SDK1: variants seen among roughly 807,000 people sequenced by gnomAD.
SDK1 encodes sidekick cell adhesion molecule 1, also known as protein sidekick-1.
In SDK1, 157 loss-of-function variants were observed where a neutral mutation model predicts 245.5. That is an observed-to-expected ratio of 0.64 (90% CI 0.56 to 0.73). SDK1 has a LOEUF of 0.73. Ranked by LOEUF, SDK1 falls within the 30% of genes least tolerant of loss-of-function variation. SDK1 has a pLI of 0.00. For synonymous variants in SDK1, 1,647 were observed against 1,278.5 expected (o/e 1.29, Z -6.15); for missense variants, 3,583 against 3,002.3 (o/e 1.19, Z -4.52).
chr7:4,105,293 T>G (rs115222409), intron 22 of SDK1, among the ~76,000 whole-genome samples: 43 of 140,930 alleles, frequency 3.1e-4, no homozygotes, highest in African/African-American at 1.1e-3. Context: ...AGGAGTTATA[T>G]TTTTTGTTTT....
intron 5 of SDK1, among the ~76,000 whole-genome samples, chr7:3,852,215 T>G (rs867662178): frequency 1.3e-5 from 2 of 152,018 alleles, no homozygotes; most frequent in Non-Finnish European, 2.9e-5. Flanking sequence ...TTAAATCATT[T>G]TGAAATTTTG....
chr7:3,372,865 C>T (rs577914405), intron 1 of SDK1, among the ~76,000 whole-genome samples: 1 of 152,280 alleles, frequency 6.6e-6, no homozygotes, highest in African/African-American at 2.4e-5. Flanking sequence ...TAAATTCTCA[C>T]ATTGTAGAAA....
chr7:4,160,982 C>T (rs1241445344), intron 31 of SDK1, among the ~76,000 whole-genome samples: 2 of 152,164 alleles, frequency 1.3e-5, no homozygotes, highest in African/African-American at 2.4e-5. Flanking sequence ...GGAAGAACAT[C>T]GTCATTCCGT....
At chr7:3,656,043 G>A (rs931460158) in intron 4 of SDK1, among the ~76,000 whole-genome samples, 3 of 152,168 alleles carry the variant, frequency 2.0e-5, no homozygotes, top group African/African-American at 4.8e-5. Flanking sequence ...CTCTGCTCAC[G>A]GTGTTCTCCA....
At chr7:4,260,097 T>C (rs1201712862) in intron 44 of SDK1, among the ~76,000 whole-genome samples, 2 of 152,070 alleles carry the variant, frequency 1.3e-5, no homozygotes, top group Non-Finnish European at 2.9e-5. Context: ...GGTCTCTGTG[T>C]GTGTGGGAAG....
intron 25 of SDK1, among the ~76,000 whole-genome samples, chr7:4,116,622 T>C (rs1330976878): frequency 6.6e-6 from 1 of 152,224 alleles, no homozygotes; most frequent in African/African-American, 2.4e-5. Context: ...TGGTTAACTT[T>C]CAGCCACCAG....
intron 1 of SDK1, among the ~76,000 whole-genome samples, chr7:3,501,335 C>A (rs1782206214): frequency 6.6e-6 from 1 of 151,624 alleles, no homozygotes; most frequent in African/African-American, 2.4e-5. Flanking sequence ...TTTTCTCCAA[C>A]TTGCTCTTTC....
intron 1 of SDK1, among the ~76,000 whole-genome samples, chr7:3,508,979 C>T (rs1345283498): frequency 6.6e-6 from 1 of 152,068 alleles, no homozygotes; most frequent in Non-Finnish European, 1.5e-5. Context: ...ATAGAATGTT[C>T]TAGTAATATC....
At chr7:3,585,871 G>C (rs915277363) in intron 1 of SDK1, among the ~76,000 whole-genome samples, 5 of 152,180 alleles carry the variant, frequency 3.3e-5, no homozygotes, top group African/African-American at 1.2e-4. Flanking sequence ...TTTCCAAGAA[G>C]GGAGGGAAAG....
At position 3,376,594 on chromosome 7, in the gene SDK1, A is replaced by G. The variant is rs187759657; in HGVS notation, c.298+74710A>G. Among the ~76,000 whole-genome samples, 629 of 152,346 alleles carry G rather than the reference A, an allele frequency of 4.1e-3. 7 individuals carry two copies. The highest frequency in any genetic ancestry group is 0.018 in the South Asian group (85 of 4,828). On this transcript the variant is annotated intron_variant, in intron 1 of 44. Transcript: ENST00000404826. Reference sequence around the variant, plus strand: ...TATTTACCAGATTCACAGAGGTGAAAAAGACCGACAAGGTTAAAGAGATTC... The same window carrying G: ...TATTTACCAGATTCACAGAGGTGAAGAAGACCGACAAGGTTAAAGAGATTC...
At chr7:3,834,909 G>C (rs1779996678) in intron 5 of SDK1, among the ~76,000 whole-genome samples, 1 of 152,068 alleles carries the variant, frequency 6.6e-6, no homozygotes, top group Admixed American at 6.5e-5. Flanking sequence ...CTGCTCACCG[G>C]CTTGTTCTTC....
At chr7:3,974,602 C>A in intron 13 of SDK1, 57 bp downstream of exon 13, 1 of 1,536,824 alleles carries the variant, frequency 6.5e-7, no homozygotes, top group Non-Finnish European at 8.9e-7. Flanking sequence ...TTACTGTGCC[C>A]CTGTTAGTGA....
At chr7:3,373,840 T>C (rs1166590834) in intron 1 of SDK1, among the ~76,000 whole-genome samples, 1 of 152,104 alleles carries the variant, frequency 6.6e-6, no homozygotes, top group Admixed American at 6.5e-5. Context: ...TATTAACCAT[T>C]TATAATCAAC....
At chr7:3,704,904 G>T (rs1457385297) in intron 4 of SDK1, among the ~76,000 whole-genome samples, 1 of 152,062 alleles carries the variant, frequency 6.6e-6, no homozygotes, top group African/African-American at 2.4e-5. Context: ...TCTTCTACAT[G>T]TGGCTAGCCA....
At chr7:3,486,243 A>C (rs1410414608) in intron 1 of SDK1, among the ~76,000 whole-genome samples, 2 of 150,258 alleles carry the variant, frequency 1.3e-5, no homozygotes, top group Non-Finnish European at 3.0e-5. Flanking sequence ...TTAAATTTTA[A>C]ATCTTTAATA....
chr7:4,114,021 C>T lies in SDK1; in HGVS notation c.3586-16C>T, dbSNP rs201307568. ...TCTGAGATGTCAGCTCATCGCGACT[C>T]CTCGTTCCTTCCTAGCCCCTGCCGG... On this transcript the variant is annotated splice_polypyrimidine_tract_variant and intron_variant, in intron 24 of 44. Coordinates refer to ENST00000404826, the MANE Select transcript of SDK1 (RefSeq NM_152744.4). 11 of 1,609,950 alleles carry T rather than the reference C, an allele frequency of 6.8e-6. No individual in the cohort carries two copies. Among genetic ancestry groups the T allele is most frequent in the Admixed American group, 3.3e-5 (2 of 59,998 alleles).
In SDK1 at chr7:3,991,153, A is replaced by C. The variant is rs184206704; in HGVS notation, c.2131+3831A>C. On this transcript the variant is annotated intron_variant, in intron 14 of 44. Coordinates refer to ENST00000404826, the MANE Select transcript of SDK1 (RefSeq NM_152744.4). ...GAAGGCAAGTCAGAGAAAGTCTTCA[A>C]AGAAGATGTGACATGAGACCTGGGC... 9.8e-5 allele frequency among the ~76,000 whole-genome samples: 15 copies of C among 152,322 alleles called. No homozygotes were observed. In the East Asian group the frequency reaches 1.7e-3, roughly 18 times the overall value.
intron 4 of SDK1, among the ~76,000 whole-genome samples, chr7:3,654,690 A>G (rs186831436): frequency 1.2e-4 from 18 of 152,328 alleles, no homozygotes; most frequent in Admixed American, 5.9e-4. Flanking sequence ...ACAGATAGAG[A>G]AACGTTTCTG....
chr7:3,388,282 T>G (rs1243309591), intron 1 of SDK1, among the ~76,000 whole-genome samples: 1 of 152,058 alleles, frequency 6.6e-6, no homozygotes, highest in Non-Finnish European at 1.5e-5. Context: ...ATAAGCCTTA[T>G]TTTCTCTGTG....
Sources: gnomAD v4.1 joint callset for allele counts (sites outside exome capture counted in the v4.1 genomes callset) on GRCh38, gnomAD v4.1.1 for gene constraint, MANE v1.5 for transcripts, NCBI Gene and HGNC (gene_info 2026-07-23, HGNC 2026-07-21) for gene names.